BMERB1: variants seen among roughly 807,000 people sequenced by gnomAD.
BMERB1 encodes the protein bMERB domain containing 1.
A neutral mutation model predicts 23.6 loss-of-function variants in BMERB1; 12 were observed. The ratio of observed to expected loss-of-function variants is 0.51; its 90% confidence interval spans 0.33 to 0.82. BMERB1 has a LOEUF of 0.82. Ranked by LOEUF, BMERB1 falls within the 40% of genes least tolerant of loss-of-function variation. The pLI is 0.03. For missense variants in BMERB1, 247 were observed against 255.4 expected (o/e 0.97, Z 0.22); for synonymous variants, 122 against 96.6 (o/e 1.26, Z -1.54).
At chr16:15,452,337 A>AGGGAGG (rs751532838) in intron 1 of BMERB1, among the ~76,000 whole-genome samples, 17 of 131,362 alleles carry the variant, frequency 1.3e-4, no homozygotes, top group East Asian at 4.3e-4. Context: ...GGAGGGAGAG[A>AGGGAGG]GAGAGAGAGA....
chr16:15,516,858 T>A (rs1311479265), intron 2 of BMERB1, among the ~76,000 whole-genome samples: 3 of 152,182 alleles, frequency 2.0e-5, no homozygotes, highest in Non-Finnish European at 4.4e-5. Context: ...TTTAGTTACT[T>A]ATTTAGATAA....
chr16:15,516,257 C>G (rs1331702350), intron 2 of BMERB1, among the ~76,000 whole-genome samples: 1 of 151,632 alleles, frequency 6.6e-6, no homozygotes, highest in Non-Finnish European at 1.5e-5. Context: ...GACCCTGTCT[C>G]TACAAAAAAT....
intron 2 of BMERB1, among the ~76,000 whole-genome samples, chr16:15,560,943 TC>T (rs2030399789): frequency 6.6e-6 from 1 of 151,002 alleles, no homozygotes; most frequent in South Asian, 2.1e-4. Context: ...TTTCCTTTTT[TC>T]TCTGCTGCTT....
At chr16:15,500,031 G>C (rs899589370) in intron 1 of BMERB1, among the ~76,000 whole-genome samples, 1 of 152,130 alleles carries the variant, frequency 6.6e-6, no homozygotes, top group Non-Finnish European at 1.5e-5. Flanking sequence ...AATTGAGTGA[G>C]GGGGGTAGAG....
intron 2 of BMERB1, among the ~76,000 whole-genome samples, chr16:15,525,152 C>G (rs992026955): frequency 7.9e-5 from 12 of 152,262 alleles, no homozygotes; most frequent in African/African-American, 2.6e-4. Flanking sequence ...GGGTGGGCCC[C>G]GTCCAATCAG....
At chr16:15,505,627 C>T (rs908437539) in intron 1 of BMERB1, among the ~76,000 whole-genome samples, 4 of 152,114 alleles carry the variant, frequency 2.6e-5, no homozygotes, top group African/African-American at 4.8e-5. Context: ...CAGTGGCTCA[C>T]GCCTGTAATC....
chr16:15,558,889 A>G (rs993264965), intron 2 of BMERB1, among the ~76,000 whole-genome samples: 6 of 151,682 alleles, frequency 4.0e-5, no homozygotes, highest in Non-Finnish European at 7.4e-5. Context: ...GGACCAGGAC[A>G]GGGGAGAACC....
At chr16:15,561,978 A>G (rs981442717) in intron 2 of BMERB1, among the ~76,000 whole-genome samples, 1 of 152,066 alleles carries the variant, frequency 6.6e-6, no homozygotes, top group Non-Finnish European at 1.5e-5. Flanking sequence ...TGATGTGCAT[A>G]ATAATCCCAG....
intron 1 of BMERB1, among the ~76,000 whole-genome samples, chr16:15,473,929 C>T (rs550557057): frequency 1.3e-5 from 2 of 151,936 alleles, no homozygotes; most frequent in South Asian, 4.2e-4. Context: ...ACCATCCTGG[C>T]TAACATGGTG....
At chr16:15,496,971 T>C (rs1215007060) in intron 1 of BMERB1, among the ~76,000 whole-genome samples, 2 of 152,052 alleles carry the variant, frequency 1.3e-5, no homozygotes, top group East Asian at 3.9e-4. Context: ...GCTTTGAACA[T>C]GAAGCAAGGG....
At chr16:15,466,548 A>G (rs1458409869) in intron 1 of BMERB1, among the ~76,000 whole-genome samples, 2 of 151,830 alleles carry the variant, frequency 1.3e-5, no homozygotes, top group African/African-American at 4.8e-5. Flanking sequence ...TTTTGAGATT[A>G]TTGTAGTTTG....
At chr16:15,581,435 A>C (rs1016744938) in intron 4 of BMERB1, 104 bp downstream of exon 4, 17 of 892,440 alleles carry the variant, frequency 1.9e-5, no homozygotes, top group Non-Finnish European at 2.9e-5. Context: ...CTTGCCTAAC[A>C]GGCATGGCCT....
intron 2 of BMERB1, among the ~76,000 whole-genome samples, chr16:15,550,442 C>T (rs1386180226): frequency 1.3e-5 from 2 of 152,104 alleles, no homozygotes; most frequent in East Asian, 1.9e-4. Flanking sequence ...AAGCGATCCT[C>T]CCACCTCAGC....
chr16:15,513,633 T>C (rs1056634732), intron 1 of BMERB1, among the ~76,000 whole-genome samples: 7 of 152,142 alleles, frequency 4.6e-5, no homozygotes, highest in Admixed American at 4.6e-4. Context: ...CGGTGGCTCA[T>C]GCCTATAATC....
intron 1 of BMERB1, among the ~76,000 whole-genome samples, chr16:15,445,009 G>A (rs2050977145): frequency 6.6e-6 from 1 of 152,118 alleles, no homozygotes; most frequent in Non-Finnish European, 1.5e-5. Flanking sequence ...TCCCGCCTAG[G>A]CCTCCGAAGT....
intron 2 of BMERB1, among the ~76,000 whole-genome samples, chr16:15,548,938 A>C (rs1201519029): frequency 5.9e-5 from 9 of 152,246 alleles, no homozygotes; most frequent in African/African-American, 2.2e-4. Flanking sequence ...GGCCCAGTCC[A>C]TGGGCTAAGC....
rs752246548 is a variant in BMERB1, at chr16:15,586,728, G to A, written c.514G>A (p.Glu172Lys). ...VTKSPASSRA[E>K]KKAEPPPSKP... ...ACATCTTGCTGCAGGCTCCCGGGCA[G>A]AGAAGAAAGCAGAGCCCCCACCTAG... is the stretch of plus-strand genomic sequence containing the variant. Residue 172 changes from glutamate to lysine, a missense_variant, in exon 6 of 6, where the codon GAG (glutamate) becomes AAG (lysine). Glu to Lys is a moderately conservative substitution (Grantham distance 56, BLOSUM62 1). Transcript: ENST00000300006. 1.2e-6 allele frequency: 2 copies of A among 1,610,688 alleles called. No individual in the cohort carries two copies. The highest frequency in any genetic ancestry group is 1.7e-6 in the Non-Finnish European group (2 of 1,178,880).
At chr16:15,556,834 T>G (rs1314656191) in intron 2 of BMERB1, among the ~76,000 whole-genome samples, 1 of 152,182 alleles carries the variant, frequency 6.6e-6, no homozygotes, top group Non-Finnish European at 1.5e-5. Context: ...TCCGCCCTCC[T>G]CGGCCTCCCA....
At chr16:15,495,682 A>G (rs1194182222) in intron 1 of BMERB1, among the ~76,000 whole-genome samples, 1 of 152,084 alleles carries the variant, frequency 6.6e-6, no homozygotes, top group Non-Finnish European at 1.5e-5. Context: ...TATTATCTTA[A>G]TATCACTCTT....
Sources: gnomAD v4.1 joint callset for allele counts (sites outside exome capture counted in the v4.1 genomes callset) on GRCh38, gnomAD v4.1.1 for gene constraint, MANE v1.5 for transcripts, NCBI Gene and HGNC (gene_info 2026-07-23, HGNC 2026-07-21) for gene names.